Variants in ROBO1 observed in about 807,000 individuals in gnomAD.
ROBO1 encodes the protein roundabout guidance receptor 1.
ROBO1 carries 149 observed loss-of-function variants against 195.9 expected under a neutral mutation model. That is an observed-to-expected ratio of 0.76 (90% CI 0.67 to 0.87). The LOEUF (loss-of-function observed/expected upper bound fraction) is 0.87. ROBO1 is among the 40% of genes least tolerant of loss of function. The probability of loss-of-function intolerance (pLI) is 0.00; values close to 1 mark genes in which losing one functional copy is unlikely to be tolerated. For missense variants in ROBO1, 1,933 were observed against 2,068.3 expected (o/e 0.93, Z 1.27); for synonymous variants, 816 against 733.2 (o/e 1.11, Z -1.82).
At chr3:78,971,314 G>A (rs533767328) in intron 3 of ROBO1, among the ~76,000 whole-genome samples, 10 of 152,236 alleles carry the variant, frequency 6.6e-5, no homozygotes, top group South Asian at 4.1e-4. Flanking sequence ...ACCTAAGCCC[G>A]GGAGGCGGAG....
At chr3:79,257,555 T>C (rs967020972) in intron 2 of ROBO1, among the ~76,000 whole-genome samples, 2 of 152,156 alleles carry the variant, frequency 1.3e-5, no homozygotes, top group African/African-American at 4.8e-5. Flanking sequence ...CTGGCATAGA[T>C]TGATACGTTT....
chr3:78,779,391 A>C (rs1293086294), intron 4 of ROBO1, among the ~76,000 whole-genome samples: 1 of 152,210 alleles, frequency 6.6e-6, no homozygotes, highest in African/African-American at 2.4e-5. Context: ...ATCTACAAAG[A>C]ACTTACACAA....
At chr3:78,737,122 C>T (rs1418629584) in intron 5 of ROBO1, among the ~76,000 whole-genome samples, 2 of 152,120 alleles carry the variant, frequency 1.3e-5, no homozygotes, top group Non-Finnish European at 1.5e-5. Flanking sequence ...GAATCAGTTT[C>T]TTAATTTCAG....
chr3:79,459,085 G>T (rs1249621499), intron 2 of ROBO1, among the ~76,000 whole-genome samples: 1 of 152,016 alleles, frequency 6.6e-6, no homozygotes, highest in African/African-American at 2.4e-5. Flanking sequence ...GATTATGTTG[G>T]TAATTTCCTG....
At chr3:79,201,903 T>C (rs2108780556) in intron 2 of ROBO1, among the ~76,000 whole-genome samples, 1 of 149,406 alleles carries the variant, frequency 6.7e-6, no homozygotes, top group East Asian at 2.0e-4. Flanking sequence ...ATATAATATA[T>C]AATTATTATT....
intron 4 of ROBO1, among the ~76,000 whole-genome samples, chr3:78,851,245 C>T (rs1559923585): frequency 6.6e-6 from 1 of 152,136 alleles, no homozygotes; most frequent in Non-Finnish European, 1.5e-5. Context: ...CTGGAAAGTC[C>T]TTTTCTGGTC....
At chr3:79,077,316 G>A (rs981693878) in intron 3 of ROBO1, among the ~76,000 whole-genome samples, 1 of 151,714 alleles carries the variant, frequency 6.6e-6, no homozygotes, top group Non-Finnish European at 1.5e-5. Flanking sequence ...GAAAAAAATT[G>A]TCAAAATAAA....
intron 10 of ROBO1, among the ~76,000 whole-genome samples, chr3:78,680,976 A>G (rs1429537698): frequency 2.2e-3 from 315 of 140,414 alleles, no homozygotes; most frequent in South Asian, 3.2e-3. Flanking sequence ...AATGTGGCAC[A>G]TACACACCAT....
intron 2 of ROBO1, among the ~76,000 whole-genome samples, chr3:79,186,995 T>A (rs1001732433): frequency 6.6e-6 from 1 of 152,050 alleles, no homozygotes; most frequent in Non-Finnish European, 1.5e-5. Context: ...GGTGAAAACA[T>A]AAAGCATAAA....
intron 2 of ROBO1, among the ~76,000 whole-genome samples, chr3:79,308,936 T>C (rs901416589): frequency 6.6e-6 from 1 of 152,182 alleles, no homozygotes; most frequent in Admixed American, 6.5e-5. Flanking sequence ...GTACTACATT[T>C]TAGAGAGGAA....
At chr3:79,491,887 T>A (rs542570745) in intron 2 of ROBO1, among the ~76,000 whole-genome samples, 19 of 152,112 alleles carry the variant, frequency 1.2e-4, no homozygotes, top group Admixed American at 8.5e-4. Context: ...AAATGGCTGT[T>A]CAGGTGAAGA....
chr3:79,214,375 A>G (rs2082017511), intron 2 of ROBO1, among the ~76,000 whole-genome samples: 2 of 152,310 alleles, frequency 1.3e-5, no homozygotes, highest in South Asian at 2.1e-4. Flanking sequence ...GTTGGGTCAC[A>G]TAACCTAAGG....
At chr3:79,163,513 T>A (rs2081009766) in intron 2 of ROBO1, among the ~76,000 whole-genome samples, 1 of 152,146 alleles carries the variant, frequency 6.6e-6, no homozygotes. Context: ...CTCTTTGAGA[T>A]ACTGCCTTCT....
intron 3 of ROBO1, among the ~76,000 whole-genome samples, chr3:79,125,106 G>A (rs967018035): frequency 6.6e-6 from 1 of 151,524 alleles, no homozygotes; most frequent in East Asian, 1.9e-4. Context: ...TTACTTGCAG[G>A]TAGTGTTTTT....
intron 2 of ROBO1, among the ~76,000 whole-genome samples, chr3:79,509,892 T>A (rs1940610859): frequency 6.6e-6 from 1 of 152,178 alleles, no homozygotes; most frequent in African/African-American, 2.4e-5. Context: ...TCAGGCGTAC[T>A]TACCAGTGTA....
intron 1 of ROBO1, among the ~76,000 whole-genome samples, chr3:79,737,992 A>G (rs1703459757): frequency 6.6e-6 from 1 of 152,172 alleles, no homozygotes; most frequent in South Asian, 2.1e-4. Flanking sequence ...ACTTGGTTAG[A>G]GACTGACCTG....
At chr3:78,949,801 C>T (rs372792687) in intron 3 of ROBO1, among the ~76,000 whole-genome samples, 5 of 151,734 alleles carry the variant, frequency 3.3e-5, no homozygotes, top group Admixed American at 1.3e-4. Flanking sequence ...CAATGAACTC[C>T]AACAAATTTA....
At chr3:78,654,843 C>A (rs1706893964) in intron 18 of ROBO1, among the ~76,000 whole-genome samples, 2 of 152,140 alleles carry the variant, frequency 1.3e-5, no homozygotes, top group African/African-American at 4.8e-5. Flanking sequence ...ACTAAATAAT[C>A]TTCAGTCATA....
At chr3:78,680,342 T>A (rs1319807235) in intron 10 of ROBO1, among the ~76,000 whole-genome samples, 1 of 152,128 alleles carries the variant, frequency 6.6e-6, no homozygotes. Flanking sequence ...GGGATCTAAT[T>A]GAACTAAAGA....
Sources: gnomAD v4.1 joint callset for allele counts (sites outside exome capture counted in the v4.1 genomes callset) on GRCh38, gnomAD v4.1.1 for gene constraint, MANE v1.5 for transcripts, NCBI Gene and HGNC (gene_info 2026-07-23, HGNC 2026-07-21) for gene names.